FAM83F: variants seen among roughly 807,000 people sequenced by gnomAD.
The protein encoded by FAM83F is scaffolding CK1 anchoring protein F.
FAM83F carries 45 observed loss-of-function variants against 42.9 expected under a neutral mutation model. The observed-to-expected ratio is 1.05, with a 90% CI of 0.83 to 1.35. The LOEUF (loss-of-function observed/expected upper bound fraction) is 1.35, where lower values mean the gene tolerates loss of function less well. FAM83F is among the 40% of genes most tolerant of loss of function. FAM83F has a pLI of 0.00. For missense variants in FAM83F, 617 were observed against 695.9 expected, an observed-to-expected ratio of 0.89 and a Z score of 1.28; for synonymous variants, 306 against 298.3, an observed-to-expected ratio of 1.03 and a Z score of -0.27.
At position 39,995,374 on chromosome 22, in the gene FAM83F, G is replaced by A. The variant is rs748518685; in HGVS notation, c.332G>A (p.Arg111His). 5 of 1,545,744 alleles carry A rather than the reference G, an allele frequency of 3.2e-6. No individual in the cohort carries two copies. The highest frequency in any genetic ancestry group is 1.7e-4 in the Middle Eastern group (1 of 5,988). Reference sequence around the variant, plus strand: ...GAGTCCCTGGCCTACTGGCCCGACCGTTCCGACACCGAGGTGCCTCCTCTG... The same window carrying A: ...GAGTCCCTGGCCTACTGGCCCGACCATTCCGACACCGAGGTGCCTCCTCTG... ...SGESLAYWPD[R>H]SDTEVPPLDL... is the part of the protein sequence containing the mutation. The change falls in exon 1 of 5, where the codon CGT becomes CAT. Residue 111 changes from arginine to histidine, a missense_variant. Transcript: ENST00000333407. The surrounding 1 kb of genome is among the most constrained non-coding windows in gnomAD (Gnocchi z 4.6).
At chr22:39,998,737 T>G (rs1375222077) in intron 1 of FAM83F, 1 of 152,196 alleles carries the variant, frequency 6.6e-6, no homozygotes, top group Non-Finnish European at 1.5e-5. Context: ...TGTTTCCTTT[T>G]GAGTGATCTG....
intron 1 of FAM83F, among the ~76,000 whole-genome samples, chr22:40,011,566 A>G (rs2067464271): frequency 6.6e-6 from 1 of 152,178 alleles, no homozygotes; most frequent in African/African-American, 2.4e-5. Flanking sequence ...GAGTGGACAC[A>G]TGTCGCTGAG....
Position 40,021,603 on chromosome 22 carries a change from G to T in FAM83F, c.1093G>T (p.Gly365Cys). 1.3e-6 allele frequency: 2 copies of T among 1,580,880 alleles called. No individual in the cohort carries two copies. Among genetic ancestry groups the T allele is most frequent in the Non-Finnish European group, 1.7e-6 (2 of 1,158,536 alleles). ...PEGQEEGASG[G>C]ESAWRLESFL... is the part of the protein sequence containing the mutation. ...GGGGCAGGAGGAGGGCGCCAGCGGT[G>T]GCGAGTCGGCCTGGCGCCTGGAGAG... Residue 365 changes from glycine to cysteine, a missense_variant, in exon 4 of 5, where the codon GGC (glycine) becomes TGC (cysteine). Transcript: ENST00000333407. The surrounding 1 kb of genome is among the most constrained non-coding windows in gnomAD (Gnocchi z 8.7).
intron 1 of FAM83F, among the ~76,000 whole-genome samples, chr22:40,016,788 T>C (rs1181949639): frequency 6.6e-6 from 1 of 151,958 alleles, no homozygotes. Flanking sequence ...TTCAGCCTCC[T>C]GAGTAGCTGG....
chr22:40,005,223 TG>T (rs2043637174), intron 1 of FAM83F, among the ~76,000 whole-genome samples: 1 of 152,280 alleles, frequency 6.6e-6, no homozygotes, highest in Admixed American at 6.5e-5. Context: ...TCTTGAGCCC[TG>T]CCTCGCTCTG....
chr22:40,003,591 A>G (rs1218686804), intron 1 of FAM83F, among the ~76,000 whole-genome samples: 1 of 151,816 alleles, frequency 6.6e-6, no homozygotes, highest in East Asian at 1.9e-4. Context: ...CATTCTAGCT[A>G]TCCCTGCCTG....
rs530664347 is a variant in FAM83F, at chr22:40,040,015, G to A, written c.*10450G>A. On this transcript the variant is annotated 3_prime_UTR_variant, in exon 5 of 5. Transcript: ENST00000333407. ...AGGATAAGAAAATAGAGAAGAAAGGGAAGGAAGCTATTTGAAGGGAGTGGG... is the reference window on the plus strand; with the variant it reads ...AGGATAAGAAAATAGAGAAGAAAGGAAAGGAAGCTATTTGAAGGGAGTGGG... 30 of 152,362 alleles carry A rather than the reference G, an allele frequency of 2.0e-4. No individual in the cohort carries two copies. Among genetic ancestry groups the A allele is most frequent in the African/African-American group, 7.2e-4 (30 of 41,580 alleles). 9.4% of individuals were successfully genotyped at this position (152,362 alleles called of 1,614,324 possible). A position where few individuals can be genotyped will look rare whatever the true frequency, so the allele number is the denominator to read the frequency against.
chr22:40,019,085 G>T (rs2067505673), intron 1 of FAM83F, 83 bp from the exon 2 acceptor site: 1 of 1,530,704 alleles, frequency 6.5e-7, no homozygotes, highest in African/African-American at 1.4e-5. Context: ...GTGACCCCAG[G>T]GCGAGGTGGT....
rs905300423 is a variant in FAM83F, at chr22:39,995,524, C to A, written c.482C>A (p.Ala161Asp). ...KQVVRQMIQQ[A>D]QKVIAVVMDL... is the part of the protein sequence containing the mutation. Reference sequence around the variant, plus strand: ...GTGGTCAGGCAGATGATCCAACAGGCCCAGAAGGTAGGCCCCCGCCTTCGC... The same window carrying A: ...GTGGTCAGGCAGATGATCCAACAGGACCAGAAGGTAGGCCCCCGCCTTCGC... The change falls in exon 1 of 5, where the codon GCC (alanine) becomes GAC (aspartate). Residue 161 changes from alanine to aspartate, a missense_variant. Coordinates refer to ENST00000333407, the MANE Select transcript of FAM83F (RefSeq NM_138435.4). The surrounding 1 kb of genome is among the most constrained non-coding windows in gnomAD (Gnocchi z 4.6). 7 of 1,563,606 alleles carry A rather than the reference C, an allele frequency of 4.5e-6. No individual in the cohort carries two copies. Among genetic ancestry groups the A allele is most frequent in the Non-Finnish European group, 6.1e-6 (7 of 1,152,394 alleles).
In FAM83F at chr22:40,043,287, T is replaced by A. The variant is rs1254545544; in HGVS notation, c.*13722T>A. On this transcript the variant is annotated 3_prime_UTR_variant, in exon 5 of 5. Transcript: ENST00000333407. ...TAATTACCCAAGATGGAATGTGGGC[T>A]AGAGTCCAGCGTTGTGCTCCTGGAG... The A allele has an allele frequency of 6.6e-6, 1 of 152,206 alleles. No homozygotes were observed. The highest frequency in any genetic ancestry group is 1.5e-5 in the Non-Finnish European group (1 of 68,042). The allele number at this position is 152,206 out of a possible 1,614,324, so 9.4% of individuals were successfully genotyped here. A position where few individuals can be genotyped will look rare whatever the true frequency, so the allele number is the denominator to read the frequency against.
At chr22:40,000,289 G>C (rs539919022) in intron 1 of FAM83F, among the ~76,000 whole-genome samples, 2 of 152,260 alleles carry the variant, frequency 1.3e-5, no homozygotes, top group East Asian at 3.9e-4. Context: ...TTAGGGAAAG[G>C]CTCCAGAGCA....
chr22:39,996,003 C>G (rs1343006232), intron 1 of FAM83F, among the ~76,000 whole-genome samples: 1 of 152,184 alleles, frequency 6.6e-6, no homozygotes, highest in African/African-American at 2.4e-5. Flanking sequence ...GCTCCTTGGA[C>G]CACCCCTCTC....
chr22:40,019,115 C>A (rs2067505853), intron 1 of FAM83F, 53 bp from the exon 2 acceptor site: 1 of 1,597,512 alleles, frequency 6.3e-7, no homozygotes. Context: ...GCAGGGCATG[C>A]CTCTGTGGGC....
intron 1 of FAM83F, chr22:39,998,811 T>G (rs2067383362): frequency 6.6e-6 from 1 of 152,158 alleles, no homozygotes; most frequent in African/African-American, 2.4e-5. Context: ...AAGGGCATCT[T>G]TAGGGACCCA....
At position 40,021,543 on chromosome 22, in the gene FAM83F, G is replaced by A. The variant is rs557259135; in HGVS notation, c.1033G>A (p.Ala345Thr). The change falls in exon 4 of 5, where the codon GCC becomes ACC. Residue 345 changes from alanine to threonine, a missense_variant. Coordinates refer to ENST00000333407, the MANE Select transcript of FAM83F (RefSeq NM_138435.4). The surrounding 1 kb of genome is among the most constrained non-coding windows in gnomAD (Gnocchi z 8.7). ...GCCTGGGGAGATGATGCGCTGGGCT[G>A]CCCGGCAACAGCGGGAGGCGGGCGG... ...HPPGEMMRWA[A>T]RQQREAGGNP... is the part of the protein sequence containing the mutation. 1 of 1,566,164 alleles carries A rather than the reference G, an allele frequency of 6.4e-7. No homozygotes were observed. Among genetic ancestry groups the A allele is most frequent in the Non-Finnish European group, 8.7e-7 (1 of 1,151,126 alleles).
intron 1 of FAM83F, among the ~76,000 whole-genome samples, chr22:40,000,608 C>CA (rs34584677): frequency 0.31 from 47,176 of 151,908 alleles, 7,886 homozygotes; most frequent in African/African-American, 0.42. Context: ...AGCAGATGCC[C>CA]AAAAAAACCC....
Position 40,022,024 on chromosome 22 carries a change from G to A in FAM83F, c.1453+61G>A, listed in dbSNP as rs1325621686. ...GGCCTCTGGCCCTCGCCCCGCATCG[G>A]CTCTTATCCAGGAGCACTGCCTCAT... is the stretch of plus-strand genomic sequence containing the variant. On this transcript the variant is annotated intron_variant, in intron 4 of 4. Coordinates refer to ENST00000333407, the MANE Select transcript of FAM83F (RefSeq NM_138435.4). 5 of 1,410,908 alleles carry A rather than the reference G, an allele frequency of 3.5e-6. No individual in the cohort carries two copies. In the East Asian group the frequency reaches 7.1e-5, roughly 20 times the overall value. The allele number at this position is 1,410,908 out of a possible 1,614,324, so 87.4% of individuals were successfully genotyped here.
At chr22:40,001,603 C>T (rs912439568) in intron 1 of FAM83F, among the ~76,000 whole-genome samples, 14 of 151,926 alleles carry the variant, frequency 9.2e-5, no homozygotes, top group Admixed American at 2.6e-4. Context: ...GCAGAGATTT[C>T]GCCACTGCAC....
chr22:40,014,391 A>G (rs1290803947), intron 1 of FAM83F, among the ~76,000 whole-genome samples: 5 of 152,090 alleles, frequency 3.3e-5, no homozygotes, highest in African/African-American at 4.8e-5. Context: ...TTGTAAAATT[A>G]TTAAGATAAT....
Sources: gnomAD v4.1 joint callset for allele counts (sites outside exome capture counted in the v4.1 genomes callset) on GRCh38, gnomAD v4.1.1 for gene constraint, Gnocchi (gnomAD v3.1) non-coding constraint, MANE v1.5 for transcripts, NCBI Gene and HGNC (gene_info 2026-07-23, HGNC 2026-07-21) for gene names.